The following ETS1 variants were observed in gnomAD, a reference collection of about 807,000 sequenced individuals.
ETS1 encodes ETS proto-oncogene 1, transcription factor, also known as protein C-ets-1.
A neutral mutation model predicts 58.6 loss-of-function variants in ETS1; 15 were observed. The observed-to-expected ratio is 0.26, with a 90% CI of 0.17 to 0.39. The LOEUF (loss-of-function observed/expected upper bound fraction) is 0.39, where lower values mean the gene tolerates loss of function less well. ETS1 is among the 10% of genes least tolerant of loss of function. ETS1 has a pLI of 1.00. For missense variants in ETS1, 417 were observed against 610.5 expected (o/e 0.68, Z 3.34); for synonymous variants, 214 against 218.2 (o/e 0.98, Z 0.17).
intron 2 of ETS1, among the ~76,000 whole-genome samples, chr11:128,570,241 T>TC (rs917524456): frequency 6.7e-6 from 1 of 149,264 alleles, no homozygotes; most frequent in Non-Finnish European, 1.5e-5. Context: ...TCTTTTCCTT[T>TC]TTTTTTTTTT....
intron 3 of ETS1, 138 bp from the exon 4 acceptor site, chr11:128,490,714 ATTTTTT>A (rs35432800): frequency 1.3e-4 from 43 of 331,204 alleles, no homozygotes; most frequent in East Asian, 3.0e-4. Context: ...AGAGCAGGCA[ATTTTTT>A]TTTTTTTTTT....
At chr11:128,583,130 G>T (rs554499773) in intron 1 of ETS1, among the ~76,000 whole-genome samples, 4 of 152,144 alleles carry the variant, frequency 2.6e-5, no homozygotes, top group Admixed American at 1.3e-4. Context: ...TGCTGATGCC[G>T]CAGGTCAGAG....
At chr11:128,552,664 G>A (rs1055689828) in intron 3 of ETS1, among the ~76,000 whole-genome samples, 1 of 152,202 alleles carries the variant, frequency 6.6e-6, no homozygotes, top group South Asian at 2.1e-4. Flanking sequence ...GACCATTCAT[G>A]AGCATCATAA....
chr11:128,489,608 T>C (rs1565378081), intron 4 of ETS1, 118 bp from the exon 5 acceptor site: 4 of 774,842 alleles, frequency 5.2e-6, no homozygotes, highest in Non-Finnish European at 6.6e-6. Context: ...ATTCATCGAA[T>C]GAGGAAGCAT....
At chr11:128,577,780 C>G (rs1269140211) in intron 1 of ETS1, among the ~76,000 whole-genome samples, 2 of 152,128 alleles carry the variant, frequency 1.3e-5, no homozygotes, top group African/African-American at 2.4e-5. Flanking sequence ...TGCTGCTTAG[C>G]TGGGGAGTAA....
intron 3 of ETS1, among the ~76,000 whole-genome samples, chr11:128,520,530 T>C (rs12223343): frequency 0.057 from 8,696 of 152,324 alleles, 335 homozygotes; most frequent in East Asian, 0.15. Context: ...GAACTCATTC[T>C]AGCTTCCTCG....
At chr11:128,470,549 CAGAG>C (rs1368800372) in intron 8 of ETS1, among the ~76,000 whole-genome samples, 3 of 151,544 alleles carry the variant, frequency 2.0e-5, no homozygotes, top group African/African-American at 4.9e-5. Context: ...TATATATAGA[CAGAG>C]AGAGAGAAAG....
intron 2 of ETS1, among the ~76,000 whole-genome samples, chr11:128,557,536 T>A (rs1010972946): frequency 1.3e-5 from 2 of 152,146 alleles, no homozygotes; most frequent in African/African-American, 4.8e-5. Flanking sequence ...ATTTAAGAGA[T>A]CCTTAACATT....
chr11:128,551,554 A>T (rs1864229992), intron 3 of ETS1, among the ~76,000 whole-genome samples: 1 of 152,216 alleles, frequency 6.6e-6, no homozygotes, highest in African/African-American at 2.4e-5. Flanking sequence ...TTTATGTCAT[A>T]AATAAGTGTA....
chr11:128,516,048 C>T (rs1444198287), intron 3 of ETS1, among the ~76,000 whole-genome samples: 1 of 152,154 alleles, frequency 6.6e-6, no homozygotes, highest in African/African-American at 2.4e-5. Flanking sequence ...TGAAACCAGA[C>T]CTACCACAAT....
Position 128,585,081 on chromosome 11 carries a change from AGAAAGAAAG to A in ETS1, c.-15+2398_-15+2406del, listed in dbSNP as rs1178021722. Among the ~76,000 whole-genome samples the A allele has an allele frequency of 6.0e-3, 217 of 36,072 alleles. 34 individuals carry two copies. Among genetic ancestry groups the A allele is most frequent in the African/African-American group, 0.025 (99 of 3,996 alleles). 23.7% of individuals were successfully genotyped at this position (36,072 alleles called of 152,430 possible). A position where few individuals can be genotyped will look rare whatever the true frequency, so the allele number is the denominator to read the frequency against. On this transcript the variant is annotated intron_variant, in intron 1 of 9. Coordinates refer to ENST00000392668, the MANE Select transcript of ETS1 (RefSeq NM_001143820.2). ...GAAAGAAAGAAAGAAAGAAAGAGAA[AGAAAGAAAG>A]GAAAGAAAGAAAGGAAGGAAGGAAG...
chr11:128,520,878 G>A (rs1863649483), intron 3 of ETS1, among the ~76,000 whole-genome samples: 1 of 152,122 alleles, frequency 6.6e-6, no homozygotes, highest in African/African-American at 2.4e-5. Context: ...TAACCACAGG[G>A]GGCAGCAACT....
At chr11:128,565,222 C>A (rs1167508908) in intron 2 of ETS1, among the ~76,000 whole-genome samples, 5 of 152,034 alleles carry the variant, frequency 3.3e-5, no homozygotes, top group Non-Finnish European at 5.9e-5. Flanking sequence ...TTTAAAAGGA[C>A]CTGAAGGAAT....
intron 8 of ETS1, among the ~76,000 whole-genome samples, chr11:128,468,181 T>C (rs558783555): frequency 6.6e-6 from 1 of 152,298 alleles, no homozygotes; most frequent in African/African-American, 2.4e-5. Context: ...CCAAGGCTCC[T>C]CAAATCTAAG....
rs564841739 is a variant in ETS1 at position 128,587,496 on chromosome 11, C to T, written c.-23G>A. ...CAGAAACTGACACACACCTCACTTACTACTTTGCCGGAGAGCAGATCCTGA... is the reference window on the plus strand; with the variant it reads ...CAGAAACTGACACACACCTCACTTATTACTTTGCCGGAGAGCAGATCCTGA... On this transcript the variant is annotated 5_prime_UTR_variant, in exon 1 of 10. Coordinates refer to ENST00000392668, the MANE Select transcript of ETS1 (RefSeq NM_001143820.2). The T allele has an allele frequency of 2.6e-5, 4 of 152,516 alleles. No individual in the cohort carries two copies. Among genetic ancestry groups the T allele is most frequent in the African/African-American group, 9.6e-5 (4 of 41,586 alleles). The allele number at this position is 152,516 out of a possible 1,614,324, so 9.4% of individuals were successfully genotyped here.
Position 128,489,489 on chromosome 11 carries a change from G to T in ETS1, c.336C>A (p.Asp112Glu), listed in dbSNP as rs762569166. The T allele has an allele frequency of 6.2e-7, 1 of 1,613,214 alleles. No individual in the cohort carries two copies. The highest frequency in any genetic ancestry group is 1.1e-5 in the South Asian group (1 of 91,062). Reference protein sequence around the residue: ...KEQQRLGIPKDPRQWTETHVR... With the variant: ...KEQQRLGIPKEPRQWTETHVR... ...CATGGGTTTCTGTCCACTGCCGGGG[G>T]TCTGAGGAAAGAGATCAGATGAAGA... Residue 112 changes from aspartate (D) to glutamate (E), a missense_variant and splice_region_variant, in exon 5 of 10, where the codon GAC (aspartate) becomes GAA (glutamate). This residue lies in a region of ETS1 where 132 missense variants were observed against 212.1 expected (regional missense o/e 0.62). Coordinates refer to ENST00000392668, the MANE Select transcript of ETS1 (RefSeq NM_001143820.2).
chr11:128,531,512 GT>G (rs1338426218), intron 3 of ETS1, among the ~76,000 whole-genome samples: 7 of 152,214 alleles, frequency 4.6e-5, no homozygotes, highest in African/African-American at 1.7e-4. Flanking sequence ...CTATCTTCAT[GT>G]GCGCTGTTAA....
rs12293656 is a variant in ETS1 at position 128,572,772 on chromosome 11, C to T, written c.69+290G>A. On this transcript the variant is annotated intron_variant, in intron 2 of 9. Coordinates refer to ENST00000392668, the MANE Select transcript of ETS1 (RefSeq NM_001143820.2). ...GTAAAAAATCATCAAATGAACTGGGCAGTGAAAATCAACTGGCTTTAACTG... is the reference window on the plus strand; with the variant it reads ...GTAAAAAATCATCAAATGAACTGGGTAGTGAAAATCAACTGGCTTTAACTG... Among the ~76,000 whole-genome samples the T allele has an allele frequency of 4.2e-3, 643 of 152,280 alleles. 5 individuals are homozygous for T. Among genetic ancestry groups the T allele is most frequent in the African/African-American group, 0.015 (614 of 41,548 alleles).
intron 3 of ETS1, among the ~76,000 whole-genome samples, chr11:128,491,586 C>T (rs1050643777): frequency 1.3e-5 from 2 of 152,180 alleles, no homozygotes; most frequent in African/African-American, 2.4e-5. Context: ...GGGACATCAG[C>T]ATCAACTACA....
Sources: allele counts gnomAD v4.1 joint callset (sites outside exome capture counted in the v4.1 genomes callset), GRCh38; gene constraint gnomAD v4.1.1; regional missense constraint gnomAD v4.1.1; transcripts MANE v1.5; gene names NCBI Gene and HGNC (gene_info 2026-07-23, HGNC 2026-07-21).